Variants in AUTS2 observed in about 807,000 individuals in gnomAD.
AUTS2 encodes autism susceptibility gene 2 protein.
AUTS2 carries 17 observed loss-of-function variants against 112.4 expected under a neutral mutation model. The observed-to-expected ratio is 0.15, with a 90% CI of 0.10 to 0.23. The LOEUF is 0.23. AUTS2 is among the 10% of genes least tolerant of loss of function. The pLI is 1.00. For synonymous variants in AUTS2, 751 were observed against 702.7 expected (o/e 1.07, Z -1.09); for missense variants, 1,510 against 1,701.6 (o/e 0.89, Z 1.98).
At chr7:70,416,145 C>T (rs1393835858) in intron 4 of AUTS2, among the ~76,000 whole-genome samples, 2 of 152,122 alleles carry the variant, frequency 1.3e-5, no homozygotes, top group East Asian at 3.9e-4. Flanking sequence ...TGCTGTAATA[C>T]AATCTATAAT....
At chr7:69,914,342 G>GAC (rs372734634) in intron 2 of AUTS2, among the ~76,000 whole-genome samples, 20 of 85,650 alleles carry the variant, frequency 2.3e-4, no homozygotes, top group African/African-American at 4.6e-4. Context: ...CACAGACACA[G>GAC]ACACACACAC....
At chr7:70,055,436 A>C (rs890091435) in intron 2 of AUTS2, among the ~76,000 whole-genome samples, 3 of 151,328 alleles carry the variant, frequency 2.0e-5, no homozygotes, top group African/African-American at 7.3e-5. Flanking sequence ...CTCCATCTCA[A>C]AAAAAAAAAT....
intron 1 of AUTS2, among the ~76,000 whole-genome samples, 159 bp downstream of exon 1, chr7:69,600,121 G>A (rs1353969760): frequency 1.3e-5 from 2 of 152,100 alleles, no homozygotes; most frequent in East Asian, 3.9e-4. Context: ...GGGGGAGCTG[G>A]GGGCGCGGGC....
intron 1 of AUTS2, among the ~76,000 whole-genome samples, chr7:69,846,883 C>T (rs1467289316): frequency 6.6e-6 from 1 of 152,132 alleles, no homozygotes; most frequent in African/African-American, 2.4e-5. Context: ...CCCACATCAG[C>T]TTTCTAATCT....
intron 4 of AUTS2, among the ~76,000 whole-genome samples, chr7:70,342,133 CCT>C (rs368267081): frequency 6.6e-6 from 1 of 151,962 alleles, no homozygotes; most frequent in Non-Finnish European, 1.5e-5. Context: ...CTTTGCCTGT[CCT>C]CTCTCTCTCC....
chr7:70,094,720 A>G (rs185556863), intron 2 of AUTS2, among the ~76,000 whole-genome samples: 2 of 152,286 alleles, frequency 1.3e-5, no homozygotes, highest in Non-Finnish European at 2.9e-5. Context: ...CCAACAATTG[A>G]AAGTCTGAGA....
At chr7:69,646,095 C>T (rs1365993641) in intron 1 of AUTS2, among the ~76,000 whole-genome samples, 1 of 151,542 alleles carries the variant, frequency 6.6e-6, no homozygotes, top group East Asian at 1.9e-4. Context: ...GTGGTTGTCC[C>T]TGGGTGGTCT....
intron 2 of AUTS2, among the ~76,000 whole-genome samples, chr7:70,097,167 G>T (rs1003155870): frequency 6.6e-6 from 1 of 152,160 alleles, no homozygotes; most frequent in Non-Finnish European, 1.5e-5. Context: ...CTTTATATGA[G>T]ATTACACTGG....
intron 5 of AUTS2, among the ~76,000 whole-genome samples, chr7:70,661,755 G>T (rs1345491508): frequency 6.6e-6 from 1 of 152,062 alleles, no homozygotes; most frequent in East Asian, 1.9e-4. Flanking sequence ...GAACAAATGA[G>T]TCTGGGGAGG....
intron 1 of AUTS2, among the ~76,000 whole-genome samples, chr7:69,815,752 A>G (rs1790731933): frequency 6.6e-6 from 1 of 152,174 alleles, no homozygotes; most frequent in South Asian, 2.1e-4. Flanking sequence ...TGACCTCGTG[A>G]TCCACCTGCC....
At chr7:70,752,649 A>G (rs1788940083) in intron 6 of AUTS2, among the ~76,000 whole-genome samples, 1 of 152,168 alleles carries the variant, frequency 6.6e-6, no homozygotes, top group Non-Finnish European at 1.5e-5. Flanking sequence ...AGATAGGCAC[A>G]TGAGGCAGGG....
At chr7:70,461,964 G>A (rs1358334892) in intron 5 of AUTS2, among the ~76,000 whole-genome samples, 1 of 152,142 alleles carries the variant, frequency 6.6e-6, no homozygotes, top group Non-Finnish European at 1.5e-5. Flanking sequence ...TTTTAAAGCG[G>A]AAAGGGGCCG....
At chr7:69,928,908 G>A (rs553219008) in intron 2 of AUTS2, among the ~76,000 whole-genome samples, 12 of 152,292 alleles carry the variant, frequency 7.9e-5, no homozygotes, top group Admixed American at 6.5e-4. Context: ...GGGTGTCCTC[G>A]CAGTGGCCAA....
intron 4 of AUTS2, among the ~76,000 whole-genome samples, chr7:70,246,793 A>G (rs1368840852): frequency 1.3e-5 from 2 of 152,202 alleles, no homozygotes; most frequent in African/African-American, 4.8e-5. Flanking sequence ...AGGAATTGGC[A>G]TCTTTATGAT....
At chr7:69,706,508 G>A (rs1473219369) in intron 1 of AUTS2, among the ~76,000 whole-genome samples, 4 of 152,176 alleles carry the variant, frequency 2.6e-5, no homozygotes, top group African/African-American at 4.8e-5. Flanking sequence ...AGTTTTGGAC[G>A]CTCTGCCTTG....
chr7:70,750,831 T>C (rs80172524), intron 6 of AUTS2, among the ~76,000 whole-genome samples: 15,119 of 152,226 alleles, frequency 0.099, 821 homozygotes, highest in East Asian at 0.25. Flanking sequence ...AGCAGGAAGG[T>C]GGTAGATGAC....
At chr7:69,948,778 A>G (rs1362238413) in intron 2 of AUTS2, among the ~76,000 whole-genome samples, 1 of 80,070 alleles carries the variant, frequency 1.2e-5, no homozygotes, top group Non-Finnish European at 2.6e-5. Context: ...TCTTTCATTT[A>G]TTTATTTATT....
intron 4 of AUTS2, among the ~76,000 whole-genome samples, chr7:70,231,594 C>T (rs1412715014): frequency 1.3e-5 from 2 of 151,682 alleles, no homozygotes; most frequent in Non-Finnish European, 2.9e-5. Context: ...AGGCGCCCAC[C>T]ACCATGTCCA....
chr7:69,882,181 C>G (rs906282798), intron 1 of AUTS2, among the ~76,000 whole-genome samples: 2 of 137,584 alleles, frequency 1.5e-5, no homozygotes. Flanking sequence ...AAAAAAAGAC[C>G]AAGTGATAGG....
Sources: allele counts gnomAD v4.1 joint callset (sites outside exome capture counted in the v4.1 genomes callset), GRCh38; gene constraint gnomAD v4.1.1; transcripts MANE v1.5; gene names NCBI Gene and HGNC (gene_info 2026-07-23, HGNC 2026-07-21).